The following STRIP2 variants were observed in gnomAD, a reference collection of about 807,000 sequenced individuals.
STRIP2 encodes striatin-interacting protein 2.
STRIP2 carries 84 observed loss-of-function variants against 107.1 expected under a neutral mutation model. The ratio of observed to expected loss-of-function variants is 0.78; its 90% CI spans 0.66 to 0.94. The LOEUF is 0.94. STRIP2 is among the 40% of genes least tolerant of loss of function. The pLI, the probability that STRIP2 is intolerant of heterozygous loss-of-function variation, is 0.00. For synonymous variants in STRIP2, 394 were observed against 400.4 expected, an observed-to-expected ratio of 0.98 and a Z score of 0.19; for missense variants, 888 against 1,034.2, an observed-to-expected ratio of 0.86 and a Z score of 1.94.
intron 3 of STRIP2, among the ~76,000 whole-genome samples, chr7:129,446,617 C>T (rs991444825): frequency 2.0e-5 from 3 of 152,156 alleles, no homozygotes; most frequent in Non-Finnish European, 4.4e-5. Context: ...TCGTGCAGAA[C>T]CATCTGTAAA....
Position 129,458,875 on chromosome 7 carries a change from T to A in STRIP2, c.1340+98T>A. 2 of 1,198,410 alleles carry A rather than the reference T, an allele frequency of 1.7e-6. No individual in the cohort carries two copies. The highest frequency in any genetic ancestry group is 2.5e-5 in the South Asian group (2 of 80,500). 74.2% of individuals were successfully genotyped at this position (1,198,410 alleles called of 1,614,324 possible). A position where few individuals can be genotyped will look rare whatever the true frequency, so the allele number is the denominator to read the frequency against. Reference sequence around the variant, plus strand: ...GAGGGATGGTGCCTGGTGGTCATAATGTAACCTAGAGCCCCTAGGCCATGG... The same window carrying A: ...GAGGGATGGTGCCTGGTGGTCATAAAGTAACCTAGAGCCCCTAGGCCATGG... On this transcript the variant is annotated intron_variant, in intron 11 of 20. Transcript: ENST00000249344. This position sits in a 1 kb window ranked among gnomAD's most constrained non-coding sequence, Gnocchi z 4.6.
rs149021805 is a variant in STRIP2, at chr7:129,461,115, A to T, written c.1476+743A>T. ...AGATGATGCCGACCTGGATTTGGAGATGTAGCTGACAAGACTTGCAGTGCA... is the reference window on the plus strand; with the variant it reads ...AGATGATGCCGACCTGGATTTGGAGTTGTAGCTGACAAGACTTGCAGTGCA... On this transcript the variant is annotated intron_variant, in intron 13 of 20. Transcript: ENST00000249344. The surrounding 1 kb of genome is among the most constrained non-coding windows in gnomAD (Gnocchi z 4.0). 6.6e-6 allele frequency among the ~76,000 whole-genome samples: 1 copy of T among 152,342 alleles called. No individual in the cohort carries two copies. The highest frequency in any genetic ancestry group is 1.9e-4 in the East Asian group (1 of 5,190).
At position 129,483,373 on chromosome 7, in the gene STRIP2, T is replaced by A; in HGVS notation, c.2254+327T>A. 1.0e-6 allele frequency: 1 copy of A among 963,544 alleles called. No homozygotes were observed. Among genetic ancestry groups the A allele is most frequent in the African/African-American group, 1.7e-5 (1 of 58,486 alleles). 59.7% of individuals were successfully genotyped at this position (963,544 alleles called of 1,614,324 possible). ...ACAACTTTTTATTATTACAAAGCAG[T>A]TAGAAAAAAAGATAGAAAATACAAG... On this transcript the variant is annotated intron_variant, in intron 20 of 20. Coordinates refer to ENST00000249344, the MANE Select transcript of STRIP2 (RefSeq NM_020704.3). This position sits in a 1 kb window ranked among gnomAD's most constrained non-coding sequence, Gnocchi z 5.1.
At chr7:129,438,872 T>G (rs553121099) in intron 1 of STRIP2, among the ~76,000 whole-genome samples, 1 of 152,310 alleles carries the variant, frequency 6.6e-6, no homozygotes, top group East Asian at 1.9e-4. Flanking sequence ...AACAGCTAAA[T>G]GGAAGAGATG....
At chr7:129,460,528 G>A in intron 13 of STRIP2, 156 bp downstream of exon 13, 7 of 653,942 alleles carry the variant, frequency 1.1e-5, no homozygotes, top group Admixed American at 2.8e-5. Flanking sequence ...TTGAAGTTGG[G>A]GAAGAAAGAT....
intron 3 of STRIP2, among the ~76,000 whole-genome samples, chr7:129,450,944 T>C (rs1798170663): frequency 8.0e-6 from 1 of 125,036 alleles, no homozygotes; most frequent in East Asian, 2.3e-4. Flanking sequence ...TTTTTTTTTT[T>C]TTTTTTTTTT....
In STRIP2 at chr7:129,451,191, G is replaced by C. The variant is rs563021599; in HGVS notation, c.275-422G>C. Among the ~76,000 whole-genome samples the C allele has an allele frequency of 1.5e-3, 235 of 151,920 alleles. 2 individuals are homozygous for C. Among genetic ancestry groups the C allele is most frequent in the African/African-American group, 5.6e-3 (231 of 41,412 alleles). On this transcript the variant is annotated intron_variant, in intron 3 of 20. Coordinates refer to ENST00000249344, the MANE Select transcript of STRIP2 (RefSeq NM_020704.3). ...CCTGACCTCGTGATCCGCCCGCCTC[G>C]GCCTCCCAAAGTGCTGGGATTACAG...
At chr7:129,469,358 A>G (rs975011671) in intron 17 of STRIP2, among the ~76,000 whole-genome samples, 3 of 152,254 alleles carry the variant, frequency 2.0e-5, no homozygotes, top group Non-Finnish European at 4.4e-5. Flanking sequence ...ATGGCTCTTA[A>G]CAATCTAGAT....
intron 17 of STRIP2, among the ~76,000 whole-genome samples, chr7:129,470,316 T>TA (rs1798761799): frequency 6.6e-6 from 1 of 152,224 alleles, no homozygotes; most frequent in South Asian, 2.1e-4. Context: ...TATTCACACA[T>TA]ACAGTTAAAT....
At chr7:129,477,161 C>T (rs1478642679) in intron 18 of STRIP2, among the ~76,000 whole-genome samples, 1 of 110,774 alleles carries the variant, frequency 9.0e-6, no homozygotes, top group South Asian at 3.2e-4. Flanking sequence ...AGAGGGAGAC[C>T]GTGGAAAGAG....
At chr7:129,435,561 C>G (rs888192568) in intron 1 of STRIP2, among the ~76,000 whole-genome samples, 1 of 152,204 alleles carries the variant, frequency 6.6e-6, no homozygotes. Context: ...GGTTTTGACT[C>G]CTAGCCCTAT....
chr7:129,479,608 G>C (rs1264168284), intron 18 of STRIP2, among the ~76,000 whole-genome samples: 1 of 150,900 alleles, frequency 6.6e-6, no homozygotes, highest in Non-Finnish European at 1.5e-5. Flanking sequence ...TCCTGCCTCA[G>C]CCTCCCAAGT....
chr7:129,480,835 C>G lies in STRIP2; in HGVS notation c.1995C>G (p.Ile665Met). The G allele has an allele frequency of 6.2e-7, 1 of 1,613,956 alleles. No homozygotes were observed. Among genetic ancestry groups the G allele is most frequent in the Non-Finnish European group, 8.5e-7 (1 of 1,179,928 alleles). Reference sequence around the variant, plus strand: ...GCTGGAGGAACCTCTTTTCCTGCATCAACCTCCTGAGGCTGCTCAATAAAC... The same window carrying G: ...GCTGGAGGAACCTCTTTTCCTGCATGAACCTCCTGAGGCTGCTCAATAAAC... ...QFCWRNLFSC[I>M]NLLRLLNKLT... The change falls in exon 19 of 21, where the codon ATC becomes ATG. Residue 665 changes from isoleucine to methionine, a missense_variant. Physicochemically the swap from Ile to Met is conservative, Grantham distance 10. Coordinates refer to ENST00000249344, the MANE Select transcript of STRIP2 (RefSeq NM_020704.3).
intron 18 of STRIP2, among the ~76,000 whole-genome samples, chr7:129,479,145 A>G (rs1015203089): frequency 3.3e-5 from 5 of 151,870 alleles, no homozygotes; most frequent in East Asian, 1.9e-4. Flanking sequence ...GTGGCGGTGC[A>G]TTCCTATAAT....
At chr7:129,460,501 C>A in intron 13 of STRIP2, 129 bp downstream of exon 13, 2 of 776,894 alleles carry the variant, frequency 2.6e-6, no homozygotes, top group Non-Finnish European at 2.1e-6. Context: ...AGACAAGGTC[C>A]CTACTTTCAT....
intron 19 of STRIP2, among the ~76,000 whole-genome samples, chr7:129,482,351 CTCTCTATA>C (rs778937896): frequency 7.2e-4 from 49 of 67,768 alleles, no homozygotes; most frequent in Non-Finnish European, 1.1e-3. Context: ...CTCTCTCTCT[CTCTCTATA>C]TATATATATA....
In STRIP2 at chr7:129,456,631, G is replaced by A. The variant is rs761847027; in HGVS notation, c.1027G>A (p.Gly343Ser). The change falls in exon 9 of 21, where the codon GGC becomes AGC. Residue 343 changes from glycine (G) to serine (S), a missense_variant. Coordinates refer to ENST00000249344, the MANE Select transcript of STRIP2 (RefSeq NM_020704.3). ...ACCCTCCAAGCTGCGAGGCCGCCGT[G>A]GCTCTCGAAGGGTATGGACTGAAGC... Reference protein sequence around the residue: ...PPPSKLRGRRGSRRQLLTKQD... With the variant: ...PPPSKLRGRRSSRRQLLTKQD... 5.0e-6 allele frequency: 8 copies of A among 1,613,814 alleles called. No homozygotes were observed. The Admixed American group carries it at 1.0e-4, about 20-fold the overall frequency.
chr7:129,467,076 C>T (rs1315354660), intron 16 of STRIP2, among the ~76,000 whole-genome samples: 1 of 152,218 alleles, frequency 6.6e-6, no homozygotes, highest in Non-Finnish European at 1.5e-5. Flanking sequence ...GAACAAATCT[C>T]ACAGCAATTC....
At chr7:129,451,310 A>G (rs1044218514) in intron 3 of STRIP2, among the ~76,000 whole-genome samples, 1 of 152,102 alleles carries the variant, frequency 6.6e-6, no homozygotes, top group Admixed American at 6.6e-5. Context: ...TGTAAGGATG[A>G]CTAGGAATTG....
Sources: allele counts gnomAD v4.1 joint callset (sites outside exome capture counted in the v4.1 genomes callset), GRCh38; gene constraint gnomAD v4.1.1; non-coding constraint Gnocchi (gnomAD v3.1); transcripts MANE v1.5; gene names NCBI Gene and HGNC (gene_info 2026-07-23, HGNC 2026-07-21).